Variants in HOXD3 observed in about 807,000 individuals in gnomAD.
The protein encoded by HOXD3 is homeobox D3.
HOXD3 carries 13 observed loss-of-function variants against 32.8 expected under a neutral mutation model. The observed-to-expected ratio is 0.40, with a 90% CI of 0.26 to 0.63. The LOEUF (loss-of-function observed/expected upper bound fraction) is 0.63. Ranked by LOEUF, HOXD3 falls within the 20% of genes least tolerant of loss-of-function variation. HOXD3 has a pLI of 0.44. For synonymous variants in HOXD3, 241 were observed against 246.8 expected, an observed-to-expected ratio of 0.98 and a Z score of 0.22; for missense variants, 504 against 577.1, an observed-to-expected ratio of 0.87 and a Z score of 1.30.
At chr2:176,153,066 GGCC>G, upstream of HOXD3, 3 of 922,578 alleles carry the variant, frequency 3.3e-6, no homozygotes, top group South Asian at 4.5e-5. Context: ...GGGACAAGCA[GGCC>G]GCCCTCGGAC....
chr2:176,171,936 A>T lies in HOXD3; in HGVS notation c.961A>T (p.Ser321Cys). ...GGCCGCCTACACGGCGCCACTCAGC[A>T]GCTGCCTGCCACAACAGAAGCGCTA... Reference protein sequence around the residue: ...GLAAYTAPLSSCLPQQKRYAA... With the variant: ...GLAAYTAPLSCCLPQQKRYAA... Residue 321 changes from serine (S) to cysteine (C), a missense_variant, in exon 4 of 4, where the codon AGC (serine) becomes TGC (cysteine). Transcript: ENST00000683222. 6.2e-7 allele frequency: 1 copy of T among 1,610,460 alleles called. No individual in the cohort carries two copies. The highest frequency in any genetic ancestry group is 8.5e-7 in the Non-Finnish European group (1 of 1,179,242).
At chr2:176,164,646 C>A (rs80224441) in intron 2 of HOXD3, 1 of 152,036 alleles carries the variant, frequency 6.6e-6, no homozygotes, top group African/African-American at 2.4e-5. Flanking sequence ...GAAAGAGATC[C>A]GTGGGCTTCT....
In HOXD3 at chr2:176,172,835, G is replaced by T. The variant is rs376448993; in HGVS notation, c.*561G>T. The T allele has an allele frequency of 6.5e-6, 1 of 153,506 alleles. No individual in the cohort carries two copies. The highest frequency in any genetic ancestry group is 1.9e-4 in the East Asian group (1 of 5,208). The allele number at this position is 153,506 out of a possible 1,614,324, so 9.5% of individuals were successfully genotyped here. On this transcript the variant is annotated 3_prime_UTR_variant, in exon 4 of 4. Transcript: ENST00000683222. The stretch of plus-strand genomic sequence containing the variant: ...AGGAATTCGCTTCCAGGCCGTGGGG[G>T]CCACATTTCACCTCCTTAGTCCCCC...
chr2:176,170,266 A>C (rs1387897208), intron 3 of HOXD3, among the ~76,000 whole-genome samples: 2 of 152,190 alleles, frequency 1.3e-5, no homozygotes, highest in Non-Finnish European at 2.9e-5. Flanking sequence ...GGGGCTGCTA[A>C]GCATAACCAT....
chr2:176,155,482 T>C (rs2105426923), upstream of HOXD3, among the ~76,000 whole-genome samples: 1 of 152,340 alleles, frequency 6.6e-6, no homozygotes, highest in South Asian at 2.1e-4. Flanking sequence ...TTTATAAGTC[T>C]CAGCTCTCCT....
At chr2:176,160,785 C>G (rs554405517) in intron 1 of HOXD3, 3 of 151,978 alleles carry the variant, frequency 2.0e-5, no homozygotes, top group Non-Finnish European at 1.5e-5. Context: ...GGGTGGCTGC[C>G]GCTCTGGGCC....
At chr2:176,160,344 C>G (rs1206019393) in intron 1 of HOXD3, among the ~76,000 whole-genome samples, 1 of 152,228 alleles carries the variant, frequency 6.6e-6, no homozygotes, top group Non-Finnish European at 1.5e-5. Flanking sequence ...AAGGCCCAGC[C>G]AGGGTCAGAG....
chr2:176,154,756 T>C (rs760661645), upstream of HOXD3, among the ~76,000 whole-genome samples: 43 of 152,290 alleles, frequency 2.8e-4, no homozygotes, highest in South Asian at 8.3e-4. Flanking sequence ...TCTTTGTTTC[T>C]CCTTGGGGTG....
chr2:176,166,799 A>T (rs1362613235), intron 2 of HOXD3, among the ~76,000 whole-genome samples: 2 of 152,228 alleles, frequency 1.3e-5, no homozygotes, highest in African/African-American at 4.8e-5. Context: ...CAAAACAAAA[A>T]GGGCAACAAC....
upstream of HOXD3, chr2:176,152,966 C>A (rs963533502): frequency 2.0e-5 from 32 of 1,607,292 alleles, no homozygotes; most frequent in African/African-American, 2.7e-5. The surrounding 1 kb of genome is among the most constrained non-coding windows in gnomAD (Gnocchi z 5.2). Context: ...GGGCCCATCT[C>A]TCCCTGCGCA....
intron 2 of HOXD3, among the ~76,000 whole-genome samples, chr2:176,166,452 G>A (rs1690973746): frequency 6.6e-6 from 1 of 152,160 alleles, no homozygotes. Flanking sequence ...GTGACCATTA[G>A]GCCTCCAGAG....
intron 1 of HOXD3, among the ~76,000 whole-genome samples, chr2:176,163,385 C>T (rs1275523751): frequency 6.8e-6 from 1 of 146,358 alleles, no homozygotes; most frequent in Admixed American, 6.9e-5. Context: ...GGTGGGGGAG[C>T]TTGGTCTGTG....
At chr2:176,170,916 T>G (rs571062162) in intron 3 of HOXD3, among the ~76,000 whole-genome samples, 96 of 148,866 alleles carry the variant, frequency 6.4e-4, no homozygotes, top group African/African-American at 1.5e-3. Context: ...TGTTTGTTTG[T>G]TTGGTTGGTT....
Position 176,169,570 on chromosome 2 carries a change from C to T in HOXD3, c.456C>T (p.Ser152=), listed in dbSNP as rs1161678254. Residue 152 remains serine, a synonymous_variant, in exon 3 of 4, where the codon TCC becomes TCT. Coordinates refer to ENST00000683222, the MANE Select transcript of HOXD3 (RefSeq NM_006898.5). ...AAGGTGGGCCCAATGCTTCTAGCTC[C>T]TCAGCCACCATCAGCAAGCAGATCT... is the stretch of plus-strand genomic sequence containing the variant. The part of the protein sequence containing the change: ...KPKGGPNASS[S]SATISKQIFP... 29 of 1,613,860 alleles carry T rather than the reference C, an allele frequency of 1.8e-5. No homozygotes were observed. Among genetic ancestry groups the T allele is most frequent in the Non-Finnish European group, 2.5e-5 (29 of 1,180,002 alleles).
At position 176,172,144 on chromosome 2, in the gene HOXD3, G is replaced by C. The variant is rs758491106; in HGVS notation, c.1169G>C (p.Ser390Thr). Residue 390 changes from serine (S) to threonine (T), a missense_variant, in exon 4 of 4, where the codon AGT (serine) becomes ACT (threonine). Ser to Thr is a moderately conservative substitution (Grantham distance 58). Transcript: ENST00000683222. ...SHPSSASVDY[S>T]CAAQIPGNHH... ...CCGTCGTCGGCCAGCGTGGACTACA[G>C]TTGCGCCGCGCAGATTCCAGGCAAC... 6.2e-7 allele frequency: 1 copy of C among 1,613,104 alleles called. No homozygotes were observed. Among genetic ancestry groups the C allele is most frequent in the Non-Finnish European group, 8.5e-7 (1 of 1,180,004 alleles).
At chr2:176,171,251 G>A (rs1691164521) in intron 3 of HOXD3, among the ~76,000 whole-genome samples, 1 of 152,188 alleles carries the variant, frequency 6.6e-6, no homozygotes, top group African/African-American at 2.4e-5. Flanking sequence ...GGACTAGGCT[G>A]CAGGGGAGAG....
rs1285337067 is a variant in HOXD3, at chr2:176,169,337, C to T, written c.223C>T (p.Pro75Ser). 1 of 1,614,062 alleles carries T rather than the reference C, an allele frequency of 6.2e-7. No homozygotes were observed. Among genetic ancestry groups the T allele is most frequent in the East Asian group, 2.2e-5 (1 of 44,850 alleles). The stretch of plus-strand genomic sequence containing the variant: ...TGCCTGCTCCATCCAGAGCTCTGCC[C>T]CTCTGAGAGCCCCAGCCCACAAAGG... ...GSACSIQSSA[P>S]LRAPAHKGAE... Residue 75 changes from proline (P) to serine (S), a missense_variant, in exon 3 of 4, where the codon CCT becomes TCT. This residue lies in a region of HOXD3 where 181 missense variants were observed against 172.2 expected (regional missense o/e 1.05). Transcript: ENST00000683222.
intron 1 of HOXD3, among the ~76,000 whole-genome samples, chr2:176,159,717 A>G (rs868686976): frequency 7.9e-5 from 12 of 152,200 alleles, no homozygotes; most frequent in African/African-American, 2.7e-4. Flanking sequence ...TCTTGGTTTA[A>G]TATTTCTAAA....
upstream of HOXD3, chr2:176,152,944 A>G (rs1690574009): frequency 6.2e-7 from 1 of 1,613,790 alleles, no homozygotes; most frequent in Non-Finnish European, 8.5e-7. This position sits in a 1 kb window ranked among gnomAD's most constrained non-coding sequence, Gnocchi z 5.2. Context: ...ACCTTATAGA[A>G]GTGGGGACCC....
Sources: gnomAD v4.1 joint callset for allele counts (sites outside exome capture counted in the v4.1 genomes callset) on GRCh38, gnomAD v4.1.1 for gene constraint, gnomAD v4.1.1 regional missense constraint, Gnocchi (gnomAD v3.1) non-coding constraint, MANE v1.5 for transcripts, NCBI Gene and HGNC (gene_info 2026-07-23, HGNC 2026-07-21) for gene names.